TLN2: variants seen among roughly 807,000 people sequenced by gnomAD.
The protein encoded by TLN2 is talin-2.
In TLN2, 118 loss-of-function variants were observed where a neutral mutation model predicts 294.7. That is an observed-to-expected ratio of 0.40 (90% CI 0.34 to 0.47). The LOEUF is 0.47. Ranked by LOEUF, TLN2 falls within the 20% of genes least tolerant of loss-of-function variation. The pLI is 0.84. For missense variants in TLN2, 3,083 were observed against 3,282.2 expected (o/e 0.94, Z 1.48); for synonymous variants, 1,431 against 1,304.5 (o/e 1.10, Z -2.09).
chr15:62,715,177 A>G (rs1221157243), intron 22 of TLN2, among the ~76,000 whole-genome samples: 2 of 152,270 alleles, frequency 1.3e-5, no homozygotes, highest in East Asian at 1.9e-4. Context: ...TGTTAAAACT[A>G]TTCCATCCTG....
intron 3 of TLN2, among the ~76,000 whole-genome samples, chr15:62,642,333 G>A (rs1271247045): frequency 6.6e-6 from 1 of 152,218 alleles, no homozygotes; most frequent in Non-Finnish European, 1.5e-5. Flanking sequence ...TAACAACACT[G>A]CAAGAAATTG....
chr15:62,538,102 A>C (rs915096440), intron 1 of TLN2, among the ~76,000 whole-genome samples: 13 of 151,918 alleles, frequency 8.6e-5, no homozygotes, highest in African/African-American at 3.1e-4. Context: ...GGCGCCTGTA[A>C]CTCCAGCTAC....
chr15:62,624,840 G>A (rs983401174), intron 3 of TLN2, among the ~76,000 whole-genome samples: 1 of 152,172 alleles, frequency 6.6e-6, no homozygotes, highest in Non-Finnish European at 1.5e-5. Context: ...ACGTCAATGT[G>A]ACAGCTACTG....
chr15:62,447,633 G>GTATAGCCCAGCTGGGAC (rs1328397384), intron 1 of TLN2, among the ~76,000 whole-genome samples: 2 of 151,686 alleles, frequency 1.3e-5, no homozygotes, highest in Non-Finnish European at 2.9e-5. Flanking sequence ...AGCTGGGACT[G>GTATAGCCCAGCTGGGAC]TGGGCACCCG....
chr15:62,826,927 G>T (rs1297153681), intron 54 of TLN2, among the ~76,000 whole-genome samples: 1 of 152,114 alleles, frequency 6.6e-6, no homozygotes, highest in Non-Finnish European at 1.5e-5. Flanking sequence ...ATTTTTAGTA[G>T]CAGGCATTCT....
chr15:62,738,825 C>T (rs1205234592), intron 30 of TLN2, among the ~76,000 whole-genome samples: 1 of 152,202 alleles, frequency 6.6e-6, no homozygotes, highest in African/African-American at 2.4e-5. Flanking sequence ...TAGAGTCTAG[C>T]TTAACTCCCT....
intron 1 of TLN2, among the ~76,000 whole-genome samples, chr15:62,476,789 A>G (rs537885917): frequency 2.6e-5 from 4 of 152,318 alleles, no homozygotes; most frequent in African/African-American, 9.6e-5. Context: ...TGGCAGATGC[A>G]GATGCCATTT....
At chr15:62,771,250 G>A (rs2063335250) in intron 42 of TLN2, 116 bp downstream of exon 42, 1 of 1,180,934 alleles carries the variant, frequency 8.5e-7, no homozygotes, top group Non-Finnish European at 1.1e-6. Context: ...TGGCATTTGA[G>A]CTCCCACTCT....
chr15:62,468,556 C>A (rs11071670), intron 1 of TLN2, among the ~76,000 whole-genome samples: 44,279 of 151,778 alleles, frequency 0.29, 6,824 homozygotes, highest in Middle Eastern at 0.37. Context: ...CCATCCTGGC[C>A]AACAAGGTGA....
At chr15:62,422,092 C>G (rs149724658) in intron 1 of TLN2, among the ~76,000 whole-genome samples, 172 of 151,906 alleles carry the variant, frequency 1.1e-3, no homozygotes, top group African/African-American at 3.8e-3. Context: ...GAAACCCCGT[C>G]TGTACTAAAA....
At chr15:62,624,320 T>G (rs563050972) in intron 3 of TLN2, among the ~76,000 whole-genome samples, 2 of 152,348 alleles carry the variant, frequency 1.3e-5, no homozygotes, top group East Asian at 3.9e-4. Context: ...TTAAAAGTTA[T>G]GTATTACTGC....
chr15:62,565,177 T>A (rs979976100), intron 1 of TLN2, among the ~76,000 whole-genome samples: 7 of 152,006 alleles, frequency 4.6e-5, no homozygotes, highest in Admixed American at 2.0e-4. Context: ...CAAAAACCTT[T>A]CCCTTGAGGT....
At chr15:62,429,124 C>T (rs1376895372) in intron 1 of TLN2, among the ~76,000 whole-genome samples, 5 of 21,384 alleles carry the variant, frequency 2.3e-4, no homozygotes, top group Admixed American at 7.6e-4. Flanking sequence ...CCGGGGTTGG[C>T]GGGGGTTGGG....
chr15:62,667,594 G>GT (rs2054869048), intron 9 of TLN2, among the ~76,000 whole-genome samples: 1 of 152,188 alleles, frequency 6.6e-6, no homozygotes, highest in Non-Finnish European at 1.5e-5. Flanking sequence ...ACACTCATAG[G>GT]TTGTAAGCCT....
At chr15:62,498,171 A>AG (rs1567032299) in intron 1 of TLN2, among the ~76,000 whole-genome samples, 11 of 147,974 alleles carry the variant, frequency 7.4e-5, no homozygotes, top group Admixed American at 7.4e-4. Flanking sequence ...AAAAAAAAAA[A>AG]AAAGAAAAAA....
chr15:62,447,986 A>G (rs536175316), intron 1 of TLN2, among the ~76,000 whole-genome samples: 9 of 152,322 alleles, frequency 5.9e-5, no homozygotes, highest in African/African-American at 1.9e-4. Flanking sequence ...GTGGGCCAGG[A>G]CTGAGCTTCC....
intron 45 of TLN2, among the ~76,000 whole-genome samples, chr15:62,787,557 C>G (rs981860435): frequency 1.3e-5 from 2 of 152,124 alleles, no homozygotes; most frequent in African/African-American, 2.4e-5. Flanking sequence ...CAATTTAAAA[C>G]CCCACATTTT....
At chr15:62,561,587 C>T (rs769713139) in intron 1 of TLN2, 1 of 152,248 alleles carries the variant, frequency 6.6e-6, no homozygotes, top group Non-Finnish European at 1.5e-5. Context: ...CCTGACCTTC[C>T]AGTCACAATT....
intron 11 of TLN2, among the ~76,000 whole-genome samples, chr15:62,680,084 G>C (rs1161182202): frequency 6.6e-6 from 1 of 152,162 alleles, no homozygotes; most frequent in Non-Finnish European, 1.5e-5. Context: ...TAGCTATAAA[G>C]TAAGCCCTAA....
Sources: allele counts gnomAD v4.1 joint callset (sites outside exome capture counted in the v4.1 genomes callset), GRCh38; gene constraint gnomAD v4.1.1; transcripts MANE v1.5; gene names NCBI Gene and HGNC (gene_info 2026-07-23, HGNC 2026-07-21).